The following RAB38 variants were observed in gnomAD, a reference collection of about 807,000 sequenced individuals.
RAB38 encodes ras-related protein Rab-38.
RAB38 carries 15 observed loss-of-function variants against 18.4 expected under a neutral mutation model. That is an observed-to-expected ratio of 0.82 (90% CI 0.55 to 1.26). The LOEUF is 1.26. Among genes scored for constraint, RAB38 ranks in the 50% most tolerant of loss-of-function variants. The pLI is 0.00. For synonymous variants in RAB38, 101 were observed against 104.4 expected (o/e 0.97, Z 0.20); for missense variants, 294 against 267.4 (o/e 1.10, Z -0.69).
chr11:87,912,762 C>CTTTTTTTTTTTTTTTTTTTTTTTTTTTTT, the RAB38 span, among the ~76,000 whole-genome samples: 1 of 86,566 alleles, frequency 1.2e-5, no homozygotes, highest in Non-Finnish European at 2.3e-5. Flanking sequence ...AATTTTCTTT[C>CTTTTTTTTTTTTTTTTTTTTTTTTTTTTT]TTTCTTTTTT....
chr11:88,152,416 T>C (rs1237617409), intron 1 of RAB38, among the ~76,000 whole-genome samples: 3 of 151,968 alleles, frequency 2.0e-5, no homozygotes, highest in Admixed American at 6.6e-5. Context: ...AAAAGGAAAA[T>C]ATGTGTGTGT....
chr11:88,074,995 A>G, the RAB38 span, among the ~76,000 whole-genome samples: 1 of 152,202 alleles, frequency 6.6e-6, no homozygotes, highest in Admixed American at 6.5e-5. Flanking sequence ...TCAATTCAGA[A>G]AAAGGATATA....
the RAB38 span, among the ~76,000 whole-genome samples, chr11:88,004,483 TAA>T: frequency 1.3e-5 from 2 of 151,220 alleles, no homozygotes. Context: ...CTCAATATCA[TAA>T]AGGACAACTA....
At chr11:88,017,225 T>C in the RAB38 span, among the ~76,000 whole-genome samples, 1 of 152,078 alleles carries the variant, frequency 6.6e-6, no homozygotes, top group African/African-American at 2.4e-5. Context: ...AGAATTCTTA[T>C]CCATTGGTCT....
chr11:88,026,838 G>C, the RAB38 span, among the ~76,000 whole-genome samples: 1 of 152,132 alleles, frequency 6.6e-6, no homozygotes, highest in Non-Finnish European at 1.5e-5. Flanking sequence ...GTTAATTGGA[G>C]AATAGGATAT....
the RAB38 span, among the ~76,000 whole-genome samples, chr11:87,920,040 C>G: frequency 6.6e-6 from 1 of 151,824 alleles, no homozygotes; most frequent in Non-Finnish European, 1.5e-5. Context: ...TGAGACTTCT[C>G]CCATAGTCTA....
the RAB38 span, among the ~76,000 whole-genome samples, chr11:88,015,625 C>T: frequency 1.9e-3 from 282 of 152,174 alleles, 1 homozygote; most frequent in African/African-American, 6.3e-3. Context: ...GGGGATAAGA[C>T]TCCAGGAGAG....
the RAB38 span, among the ~76,000 whole-genome samples, chr11:87,897,103 G>T: frequency 2.0e-5 from 3 of 151,510 alleles, no homozygotes; most frequent in Non-Finnish European, 3.0e-5. Context: ...TACTTTTAAA[G>T]TGAATAGAAT....
rs550332954 is a variant in RAB38 at position 88,125,760 on chromosome 11, C to T, written c.484-11620G>A. On this transcript the variant is annotated intron_variant, in intron 2 of 2. Coordinates refer to ENST00000243662, the MANE Select transcript of RAB38 (RefSeq NM_022337.3). ...CAATTTTGGCTTTTGTTGCCATTGC[C>T]TTTGGTGTTTTAGACATGAAGTCCT... Among the ~76,000 whole-genome samples the T allele has an allele frequency of 1.1e-4, 16 of 152,164 alleles. 1 individual carries two copies. The East Asian group carries it at 1.9e-3, about 18-fold the overall frequency.
At chr11:88,047,987 T>G in the RAB38 span, among the ~76,000 whole-genome samples, 1 of 152,178 alleles carries the variant, frequency 6.6e-6, no homozygotes, top group Non-Finnish European at 1.5e-5. Context: ...AAGCCACTAG[T>G]CCGTCTCTTA....
chr11:87,973,244 G>A, the RAB38 span, among the ~76,000 whole-genome samples: 20 of 152,130 alleles, frequency 1.3e-4, no homozygotes, highest in Admixed American at 6.6e-4. Context: ...ACAGAAGTAA[G>A]AGAACATATT....
the RAB38 span, among the ~76,000 whole-genome samples, chr11:88,048,096 GC>G: frequency 6.6e-6 from 1 of 151,734 alleles, no homozygotes; most frequent in Non-Finnish European, 1.5e-5. Context: ...GATTATTCAG[GC>G]CCCCTCCCTT....
the RAB38 span, among the ~76,000 whole-genome samples, chr11:87,896,990 C>G: frequency 6.6e-6 from 1 of 151,672 alleles, no homozygotes; most frequent in East Asian, 2.0e-4. Flanking sequence ...ACATTTTTCA[C>G]TAAAGCCAAT....
At chr11:88,072,502 G>T in the RAB38 span, among the ~76,000 whole-genome samples, 1 of 152,064 alleles carries the variant, frequency 6.6e-6, no homozygotes, top group African/African-American at 2.4e-5. Flanking sequence ...AGAGAAAATG[G>T]CACAGAAAAA....
At chr11:88,110,378 G>A (rs1261828634), downstream of RAB38, among the ~76,000 whole-genome samples, 1 of 152,026 alleles carries the variant, frequency 6.6e-6, no homozygotes. Flanking sequence ...GTCAGAGGGT[G>A]GGGGGCCAGG....
At chr11:88,130,433 G>T (rs1293315725) in intron 2 of RAB38, among the ~76,000 whole-genome samples, 1 of 152,142 alleles carries the variant, frequency 6.6e-6, no homozygotes, top group Middle Eastern at 3.2e-3. Context: ...GACTGTTTTG[G>T]AATTTATTCA....
the RAB38 span, chr11:88,099,938 GTT>G: frequency 6.6e-6 from 1 of 151,862 alleles, no homozygotes; most frequent in South Asian, 2.1e-4. Context: ...CATTTAACCT[GTT>G]TAGGAATTCC....
the RAB38 span, among the ~76,000 whole-genome samples, chr11:87,928,134 A>G: frequency 6.6e-6 from 1 of 151,858 alleles, no homozygotes; most frequent in East Asian, 1.9e-4. Context: ...AGAGAGAGAA[A>G]CTATCATGGT....
At chr11:87,914,790 A>T in the RAB38 span, among the ~76,000 whole-genome samples, 6 of 152,160 alleles carry the variant, frequency 3.9e-5, 1 homozygote, top group Admixed American at 3.9e-4. Flanking sequence ...TTGTTTCAGG[A>T]CACTGCTTCT....
Sources: gnomAD v4.1 joint callset for allele counts (sites outside exome capture counted in the v4.1 genomes callset) on GRCh38, gnomAD v4.1.1 for gene constraint, MANE v1.5 for transcripts, NCBI Gene and HGNC (gene_info 2026-07-23, HGNC 2026-07-21) for gene names.